ANK2: variants seen among roughly 807,000 people sequenced by gnomAD.
ANK2 encodes the protein ankyrin-2.
In ANK2, 83 loss-of-function variants were observed where a neutral mutation model predicts 360.5. The ratio of observed to expected loss-of-function variants is 0.23; its 90% CI spans 0.19 to 0.28. The LOEUF (loss-of-function observed/expected upper bound fraction) is 0.28. Ranked by LOEUF, ANK2 falls within the 10% of genes least tolerant of loss-of-function variation. The pLI is 1.00. For synonymous variants in ANK2, 1,740 were observed against 1,759.5 expected, an observed-to-expected ratio of 0.99 and a Z score of 0.28; for missense variants, 4,201 against 4,795.7, an observed-to-expected ratio of 0.88 and a Z score of 3.66.
intron 2 of ANK2, among the ~76,000 whole-genome samples, chr4:112,964,386 C>T (rs1325235789): frequency 1.3e-5 from 2 of 151,328 alleles, no homozygotes; most frequent in Admixed American, 1.3e-4. Context: ...ATGAGTTCCA[C>T]TGTTTTGATT....
intron 17 of ANK2, among the ~76,000 whole-genome samples, chr4:113,281,318 G>T (rs1320233420): frequency 6.6e-6 from 1 of 152,002 alleles, no homozygotes; most frequent in South Asian, 2.1e-4. Flanking sequence ...TGGGCAGATC[G>T]CTTGAGCTCA....
At chr4:112,835,645 C>T (rs2060835333) in intron 1 of ANK2, among the ~76,000 whole-genome samples, 1 of 152,054 alleles carries the variant, frequency 6.6e-6, no homozygotes, top group Non-Finnish European at 1.5e-5. Flanking sequence ...TTCTAAGCCT[C>T]ATTTTCTTAA....
the ANK2 span, among the ~76,000 whole-genome samples, chr4:112,777,032 ACT>A: frequency 6.6e-6 from 1 of 152,188 alleles, no homozygotes; most frequent in East Asian, 1.9e-4. Context: ...AATTTTTCAA[ACT>A]CTGAGAAAAA....
intron 4 of ANK2, among the ~76,000 whole-genome samples, chr4:113,204,630 C>G (rs1040392308): frequency 2.0e-5 from 3 of 152,144 alleles, no homozygotes; most frequent in Non-Finnish European, 2.9e-5. Flanking sequence ...GTAGGAAAAC[C>G]AAAGTCTCAT....
intron 1 of ANK2, among the ~76,000 whole-genome samples, chr4:113,085,761 G>A (rs753639827): frequency 1.1e-4 from 17 of 152,192 alleles, no homozygotes; most frequent in Non-Finnish European, 2.2e-4. Context: ...ACACATGCCA[G>A]CAAAGACCTA....
intron 20 of ANK2, among the ~76,000 whole-genome samples, chr4:113,289,420 G>A (rs1432880825): frequency 6.6e-6 from 1 of 151,834 alleles, no homozygotes; most frequent in Non-Finnish European, 1.5e-5. Context: ...TGTTGCCTAG[G>A]CTGGTCTCGA....
chr4:113,318,287 G>A (rs1160429989), intron 25 of ANK2, among the ~76,000 whole-genome samples: 3 of 152,144 alleles, frequency 2.0e-5, no homozygotes, highest in Non-Finnish European at 2.9e-5. Context: ...GATACCTACT[G>A]TCTTCAAAGA....
At chr4:113,332,939 TG>T in intron 28 of ANK2, 114 bp from the exon 29 acceptor site, 1 of 1,494,178 alleles carries the variant, frequency 6.7e-7, no homozygotes, top group East Asian at 2.3e-5. Context: ...TGGCCCACTA[TG>T]TCCCTGTCCC....
chr4:113,233,939 T>C (rs2099350616), intron 5 of ANK2, among the ~76,000 whole-genome samples: 1 of 152,200 alleles, frequency 6.6e-6, no homozygotes, highest in Non-Finnish European at 1.5e-5. Flanking sequence ...GGGAATATCT[T>C]CAGGCAGAGC....
chr4:113,250,763 C>CCA lies in ANK2; in HGVS notation c.990+902_990+903insAC, dbSNP rs1554339963. 4.8e-4 allele frequency among the ~76,000 whole-genome samples: 68 copies of CCA among 140,288 alleles called. 9 individuals are homozygous for CCA. The South Asian group carries it at 8.8e-3, about 18-fold the overall frequency. The allele number at this position is 140,288 out of a possible 152,430, so 92.0% of individuals were successfully genotyped here. A position where few individuals can be genotyped will look rare whatever the true frequency, so the allele number is the denominator to read the frequency against. ...TTCCACCTCATACCACCGCCCCCCC[C>CCA]CCCGACAGAGTTGGTATCAACTAAT... On this transcript the variant is annotated intron_variant, in intron 10 of 45. Coordinates refer to ENST00000357077, the MANE Select transcript of ANK2 (RefSeq NM_001148.6).
intron 9 of ANK2, among the ~76,000 whole-genome samples, chr4:113,247,477 A>G (rs2043617117): frequency 6.6e-6 from 1 of 152,198 alleles, no homozygotes. Flanking sequence ...TCTTGTGGGT[A>G]TATTAAATGT....
At chr4:113,288,107 G>T (rs188806730) in intron 19 of ANK2, among the ~76,000 whole-genome samples, 2 of 152,088 alleles carry the variant, frequency 1.3e-5, no homozygotes, top group South Asian at 4.1e-4. Context: ...CATGTTTCCT[G>T]CATCTCCTAT....
the ANK2 span, among the ~76,000 whole-genome samples, chr4:112,771,874 C>A: frequency 2.0e-5 from 3 of 152,104 alleles, no homozygotes; most frequent in East Asian, 5.8e-4. Flanking sequence ...GGTGAGCCAC[C>A]GCACCTGGCC....
chr4:113,042,482 T>C (rs2063215240), intron 2 of ANK2, among the ~76,000 whole-genome samples: 1 of 152,204 alleles, frequency 6.6e-6, no homozygotes, highest in South Asian at 2.1e-4. Flanking sequence ...CTCTGACTAA[T>C]ACACCTCCCA....
the ANK2 span, among the ~76,000 whole-genome samples, chr4:112,760,916 C>T: frequency 2.0e-5 from 3 of 151,170 alleles, no homozygotes; most frequent in Admixed American, 2.0e-4. Context: ...AAGCAATTCT[C>T]CTGCTTCAGC....
intron 1 of ANK2, among the ~76,000 whole-genome samples, chr4:112,892,247 T>C (rs1188216866): frequency 2.0e-5 from 3 of 152,216 alleles, no homozygotes; most frequent in East Asian, 3.8e-4. Context: ...AAAAATTTTA[T>C]TGGTGTTATG....
chr4:112,705,904 G>A, the ANK2 span, among the ~76,000 whole-genome samples: 1 of 151,572 alleles, frequency 6.6e-6, no homozygotes, highest in African/African-American at 2.4e-5. Context: ...TCCGACCCCG[G>A]CCCGCCGCGG....
chr4:113,367,442 G>C, intron 41 of ANK2, 124 bp from the exon 42 acceptor site: 2 of 871,660 alleles, frequency 2.3e-6, no homozygotes, highest in Non-Finnish European at 3.6e-6. Context: ...TAATCCATGG[G>C]CCCATCTCAG....
chr4:113,181,317 G>A (rs1348949469), intron 2 of ANK2, among the ~76,000 whole-genome samples: 1 of 152,128 alleles, frequency 6.6e-6, no homozygotes, highest in African/African-American at 2.4e-5. Context: ...CTATGGCTAA[G>A]CGACATGGAT....
Sources: allele counts gnomAD v4.1 joint callset (sites outside exome capture counted in the v4.1 genomes callset), GRCh38; gene constraint gnomAD v4.1.1; transcripts MANE v1.5; gene names NCBI Gene and HGNC (gene_info 2026-07-23, HGNC 2026-07-21).